Variants in XPO7 observed in about 807,000 individuals in gnomAD.
XPO7 encodes the protein exportin-7.
Under a neutral mutation model 144.3 loss-of-function variants are expected in XPO7, and 21 were observed. The ratio of observed to expected loss-of-function variants is 0.15; its 90% confidence interval spans 0.10 to 0.21. XPO7 has a LOEUF of 0.21. Ranked by LOEUF, XPO7 falls within the 10% of genes least tolerant of loss-of-function variation. The pLI, the probability that XPO7 is intolerant of heterozygous loss-of-function variation, is 1.00. For missense variants in XPO7, 808 were observed against 1,325.8 expected, an observed-to-expected ratio of 0.61 and a Z score of 6.06; for synonymous variants, 580 against 499.6, an observed-to-expected ratio of 1.16 and a Z score of -2.15.
rs943629362 is a variant in XPO7, at chr8:21,953,053, G to C, written c.19-13804G>C. 2.5e-5 allele frequency among the ~76,000 whole-genome samples: 3 copies of C among 118,788 alleles called. No individual in the cohort carries two copies. In the Admixed American group the frequency reaches 3.3e-4, roughly 13 times the overall value. The allele number at this position is 118,788 out of a possible 152,430, so 77.9% of individuals were successfully genotyped here. On this transcript the variant is annotated intron_variant, in intron 1 of 27. Transcript: ENST00000252512. ...CCCACCCCTGCCCCCGCCCATTAAC[G>C]TCTTGCATTGGTATGGTATATTAAC...
Position 21,981,648 on chromosome 8 carries a change from C to T in XPO7, c.958-83C>T. 2.0e-6 allele frequency: 3 copies of T among 1,535,142 alleles called. No individual in the cohort carries two copies. The South Asian group carries it at 3.6e-5, about 18-fold the overall frequency. ...TTAAAAAGTAGATTCTACCCCTTCC[C>T]CCATGCCATCTCAAGTATACATCAT... On this transcript the variant is annotated intron_variant, in intron 9 of 27. Transcript: ENST00000252512.
chr8:22,005,033 A>G lies in XPO7; in HGVS notation c.3209A>G (p.Asn1070Ser). 1 of 1,612,684 alleles carries G rather than the reference A, an allele frequency of 6.2e-7. No individual in the cohort carries two copies. The highest frequency in any genetic ancestry group is 2.2e-5 in the East Asian group (1 of 44,828). ...CTGTCAGCATTCCGTCGAGAAGTCA[A>G]CGACTCAATGAAGAATTCCACTTAT... is the stretch of plus-strand genomic sequence containing the variant. ...QNLSAFRREV[N>S]DSMKNSTYGV... The change falls in exon 28 of 28, where the codon AAC becomes AGC. Residue 1070 changes from asparagine to serine, a missense_variant. Physicochemically the swap from Asn to Ser is conservative, Grantham distance 46. Around this residue, in one of 5 missense-constraint regions of XPO7, gnomAD observed 140 missense variants for 237.9 expected, o/e 0.59. Transcript: ENST00000252512.
intron 1 of XPO7, among the ~76,000 whole-genome samples, chr8:21,927,259 A>T (rs750339730): frequency 1.1e-4 from 17 of 152,196 alleles, no homozygotes; most frequent in Non-Finnish European, 2.1e-4. Flanking sequence ...AATTAAATTC[A>T]AATAAAATAA....
chr8:21,980,342 A>G, intron 9 of XPO7, 139 bp downstream of exon 9: 1 of 1,116,904 alleles, frequency 9.0e-7, no homozygotes, highest in South Asian at 2.0e-5. Flanking sequence ...CTCTATTTGT[A>G]GGCCAATTCT....
intron 18 of XPO7, among the ~76,000 whole-genome samples, chr8:21,991,512 T>G (rs1402365153): frequency 6.6e-6 from 1 of 152,248 alleles, no homozygotes; most frequent in East Asian, 1.9e-4. Context: ...CATTAAAGTT[T>G]GAGTCTCATC....
chr8:21,980,070 T>C lies in XPO7; in HGVS notation c.838-14T>C. The C allele has an allele frequency of 3.2e-6, 5 of 1,565,266 alleles. No individual in the cohort carries two copies. The highest frequency in any genetic ancestry group is 4.3e-6 in the Non-Finnish European group (5 of 1,153,720). On this transcript the variant is annotated splice_polypyrimidine_tract_variant and intron_variant, in intron 8 of 27. Coordinates refer to ENST00000252512, the MANE Select transcript of XPO7 (RefSeq NM_015024.5). ...CTTTTTAATCGTTGTGTTTGGGTTC[T>C]GCCCTGCATTTAGGTATTATCCTGC...
At chr8:21,970,363 T>G in intron 4 of XPO7, 53 bp downstream of exon 4, 1 of 1,504,962 alleles carries the variant, frequency 6.6e-7, no homozygotes. Flanking sequence ...CATATACATA[T>G]ATATAAACAC....
At chr8:21,989,221 A>G (rs890905612) in intron 16 of XPO7, 138 bp downstream of exon 16, 1 of 804,336 alleles carries the variant, frequency 1.2e-6, no homozygotes, top group African/African-American at 1.8e-5. Flanking sequence ...AGGAGTCCAA[A>G]AAAACGCCAA....
intron 21 of XPO7, 60 bp downstream of exon 21, chr8:21,995,659 G>A: frequency 6.0e-6 from 8 of 1,342,480 alleles, no homozygotes; most frequent in Non-Finnish European, 8.3e-6. Context: ...AGAATTTGCT[G>A]TATCTAGTGC....
chr8:21,946,368 T>A lies in XPO7; in HGVS notation c.19-20489T>A, dbSNP rs189346308. Among the ~76,000 whole-genome samples, 925 of 152,186 alleles carry A rather than the reference T, an allele frequency of 6.1e-3. 11 individuals are homozygous for A. The highest frequency in any genetic ancestry group is 0.021 in the African/African-American group (875 of 41,524). ...CTTGAAAAATAATCAAATATAAGTTTAAAATATAACAGGTGAAATTTAAAA... is the reference window on the plus strand; with the variant it reads ...CTTGAAAAATAATCAAATATAAGTTAAAAATATAACAGGTGAAATTTAAAA... On this transcript the variant is annotated intron_variant, in intron 1 of 27. Transcript: ENST00000252512.
chr8:21,920,983 A>G (rs1035197023), intron 1 of XPO7, among the ~76,000 whole-genome samples: 23 of 152,320 alleles, frequency 1.5e-4, no homozygotes, highest in African/African-American at 5.3e-4. Context: ...TTTTCAGGCC[A>G]GAGATCAGTA....
chr8:21,955,724 CTTTTTTTTT>C (rs71544845), intron 1 of XPO7, among the ~76,000 whole-genome samples: 3 of 102,772 alleles, frequency 2.9e-5, no homozygotes, highest in African/African-American at 8.8e-5. Context: ...CTGTGCTTAC[CTTTTTTTTT>C]TTTTTTTTTT....
chr8:21,942,649 T>G (rs1296119620), intron 1 of XPO7, among the ~76,000 whole-genome samples: 1 of 152,248 alleles, frequency 6.6e-6, no homozygotes, highest in African/African-American at 2.4e-5. Context: ...GTGGGTATTC[T>G]TCAATACTTC....
intron 1 of XPO7, among the ~76,000 whole-genome samples, chr8:21,928,020 G>A (rs180820908): frequency 2.6e-4 from 39 of 152,282 alleles, no homozygotes; most frequent in African/African-American, 7.7e-4. Flanking sequence ...CATTTAAAGT[G>A]TACAAATTGA....
chr8:21,949,907 T>A (rs1298159967), intron 1 of XPO7, among the ~76,000 whole-genome samples: 1 of 152,220 alleles, frequency 6.6e-6, no homozygotes, highest in Admixed American at 6.5e-5. Flanking sequence ...GTATTTTTAG[T>A]AGAGACAGGG....
At chr8:21,937,711 T>C (rs1240359829) in intron 1 of XPO7, among the ~76,000 whole-genome samples, 2 of 152,196 alleles carry the variant, frequency 1.3e-5, no homozygotes, top group Non-Finnish European at 2.9e-5. Flanking sequence ...GAAATTAAAG[T>C]ACCCTGGACC....
chr8:21,979,410 GT>G (rs1202192057), intron 8 of XPO7, among the ~76,000 whole-genome samples: 31 of 129,030 alleles, frequency 2.4e-4, no homozygotes, highest in African/African-American at 8.7e-4. Context: ...TTTTTTTTTC[GT>G]TTTTTTTTGT....
intron 24 of XPO7, among the ~76,000 whole-genome samples, chr8:22,001,802 AAC>A (rs1283770849): frequency 6.6e-6 from 1 of 152,256 alleles, no homozygotes; most frequent in Non-Finnish European, 1.5e-5. Flanking sequence ...TACTTAGCAC[AAC>A]ATCTGGCACA....
intron 26 of XPO7, 39 bp downstream of exon 26, chr8:22,003,356 T>G (rs1813219060): frequency 6.6e-7 from 1 of 1,521,004 alleles, no homozygotes; most frequent in Non-Finnish European, 9.0e-7. Flanking sequence ...CCAGAAGCAG[T>G]GGCAACCACG....
Sources: allele counts gnomAD v4.1 joint callset (sites outside exome capture counted in the v4.1 genomes callset), GRCh38; gene constraint gnomAD v4.1.1; regional missense constraint gnomAD v4.1.1; transcripts MANE v1.5; gene names NCBI Gene and HGNC (gene_info 2026-07-23, HGNC 2026-07-21).